Variants in TPH2 observed in about 807,000 individuals in gnomAD.
TPH2 encodes tryptophan 5-hydroxylase 2.
Under a neutral mutation model 59.1 loss-of-function variants are expected in TPH2, and 27 were observed. The observed-to-expected ratio is 0.46, with a 90% CI of 0.34 to 0.63. The LOEUF (loss-of-function observed/expected upper bound fraction) is 0.63, where lower values mean the gene tolerates loss of function less well. TPH2 is among the 30% of genes least tolerant of loss of function. TPH2 has a pLI of 0.01. For missense variants in TPH2, 523 were observed against 588.3 expected (o/e 0.89, Z 1.15); for synonymous variants, 220 against 210.5 (o/e 1.05, Z -0.39).
At chr12:71,993,163 T>TTGATTGAG (rs1437911704) in intron 7 of TPH2, among the ~76,000 whole-genome samples, 1 of 152,236 alleles carries the variant, frequency 6.6e-6, no homozygotes, top group Non-Finnish European at 1.5e-5. Context: ...ATAAGATTTT[T>TTGATTGAG]TGATTGAGTG....
chr12:71,950,249 C>G (rs905061724), intron 5 of TPH2, among the ~76,000 whole-genome samples: 1 of 152,090 alleles, frequency 6.6e-6, no homozygotes, highest in African/African-American at 2.4e-5. Flanking sequence ...CACTCGCATC[C>G]GTGTGAAGAG....
chr12:72,028,744 C>A (rs1361836205), intron 9 of TPH2, among the ~76,000 whole-genome samples: 1 of 152,144 alleles, frequency 6.6e-6, no homozygotes, highest in Non-Finnish European at 1.5e-5. Flanking sequence ...GGAAAGGTCT[C>A]CAGCAGGTAA....
chr12:72,007,885 G>T (rs1383447533), intron 8 of TPH2, among the ~76,000 whole-genome samples: 1 of 152,068 alleles, frequency 6.6e-6, no homozygotes, highest in African/African-American at 2.4e-5. Flanking sequence ...TTCTAGCAAA[G>T]GCACACTCTT....
intron 1 of TPH2, among the ~76,000 whole-genome samples, chr12:71,940,033 T>C (rs908663026): frequency 6.6e-6 from 1 of 152,180 alleles, no homozygotes; most frequent in Non-Finnish European, 1.5e-5. Context: ...TTCTGTAGAA[T>C]TATTTAAATC....
intron 8 of TPH2, among the ~76,000 whole-genome samples, chr12:72,021,586 T>C (rs1332563946): frequency 6.6e-6 from 1 of 152,164 alleles, no homozygotes; most frequent in Non-Finnish European, 1.5e-5. Context: ...TGCTCAACTG[T>C]AGACTAATGT....
intron 7 of TPH2, among the ~76,000 whole-genome samples, chr12:71,985,334 TTTG>T (rs575391023): frequency 5.3e-5 from 8 of 152,176 alleles, no homozygotes; most frequent in African/African-American, 9.6e-5. Flanking sequence ...GAATAGCATT[TTTG>T]TTGTTGTTGT....
At chr12:71,951,222 G>A (rs1871336074) in intron 5 of TPH2, among the ~76,000 whole-genome samples, 1 of 152,100 alleles carries the variant, frequency 6.6e-6, no homozygotes, top group Admixed American at 6.5e-5. Context: ...GGACTCGGAT[G>A]GGCTGAGCTC....
chr12:71,942,159 C>A (rs994312342), intron 2 of TPH2, among the ~76,000 whole-genome samples: 1 of 152,162 alleles, frequency 6.6e-6, no homozygotes, highest in African/African-American at 2.4e-5. Context: ...TATAGGCACA[C>A]GGTATTCCCC....
intron 9 of TPH2, among the ~76,000 whole-genome samples, chr12:72,030,653 T>C (rs573683350): frequency 2.0e-5 from 3 of 152,270 alleles, no homozygotes; most frequent in African/African-American, 7.2e-5. Flanking sequence ...CAAGTGGCAA[T>C]ATTTATCTGC....
At chr12:72,025,898 CT>C (rs1335724535) in intron 9 of TPH2, among the ~76,000 whole-genome samples, 1 of 152,078 alleles carries the variant, frequency 6.6e-6, no homozygotes, top group Non-Finnish European at 1.5e-5. Context: ...ATATTATTTG[CT>C]TGCTTATTCA....
intron 8 of TPH2, among the ~76,000 whole-genome samples, chr12:72,010,360 C>T (rs1873068256): frequency 1.3e-5 from 2 of 152,120 alleles, no homozygotes; most frequent in Non-Finnish European, 2.9e-5. Context: ...TACTAAAAGA[C>T]CCTCAATGTG....
At chr12:72,009,272 C>T (rs1873037474) in intron 8 of TPH2, among the ~76,000 whole-genome samples, 1 of 152,008 alleles carries the variant, frequency 6.6e-6, no homozygotes, top group African/African-American at 2.4e-5. Flanking sequence ...TCATTCTAAG[C>T]TTGGGATTGT....
chr12:72,017,557 G>A (rs1367535670), intron 8 of TPH2, among the ~76,000 whole-genome samples: 1 of 152,124 alleles, frequency 6.6e-6, no homozygotes, highest in Non-Finnish European at 1.5e-5. Context: ...TTCAATTTGG[G>A]AGGTGTTAGT....
chr12:72,018,310 G>A (rs1016922939), intron 8 of TPH2, among the ~76,000 whole-genome samples: 10 of 152,152 alleles, frequency 6.6e-5, no homozygotes, highest in African/African-American at 2.2e-4. Flanking sequence ...TTCCTCTGAG[G>A]TTGCTCTGAT....
At chr12:71,989,777 A>C (rs1327455521) in intron 7 of TPH2, among the ~76,000 whole-genome samples, 1 of 152,240 alleles carries the variant, frequency 6.6e-6, no homozygotes, top group African/African-American at 2.4e-5. Context: ...TTATTTCTTC[A>C]TAGCAAAATG....
intron 5 of TPH2, chr12:71,961,542 C>G: frequency 7.4e-7 from 1 of 1,351,578 alleles, no homozygotes; most frequent in Non-Finnish European, 9.8e-7. Context: ...CTTTGTGAAT[C>G]TTCATTCTAG....
intron 7 of TPH2, among the ~76,000 whole-genome samples, chr12:71,980,410 G>A (rs1872241640): frequency 6.6e-6 from 1 of 152,126 alleles, no homozygotes; most frequent in Non-Finnish European, 1.5e-5. Context: ...TAGTAGGAGT[G>A]AGCAAGGGTA....
chr12:71,992,383 A>G (rs1011833236), intron 7 of TPH2, among the ~76,000 whole-genome samples: 1 of 152,094 alleles, frequency 6.6e-6, no homozygotes, highest in South Asian at 2.1e-4. Flanking sequence ...GAAGTTCAAG[A>G]CTAGCTTGGG....
At chr12:72,023,456 C>T (rs1476726494) in intron 9 of TPH2, among the ~76,000 whole-genome samples, 2 of 152,032 alleles carry the variant, frequency 1.3e-5, no homozygotes, top group African/African-American at 2.4e-5. Context: ...TTCATTCATT[C>T]CTCAAACATT....
Sources: allele counts gnomAD v4.1 joint callset (sites outside exome capture counted in the v4.1 genomes callset), GRCh38; gene constraint gnomAD v4.1.1; transcripts MANE v1.5; gene names NCBI Gene and HGNC (gene_info 2026-07-23, HGNC 2026-07-21).